The following BNC2 variants were observed in gnomAD, a reference collection of about 807,000 sequenced individuals.
BNC2 encodes basonuclin zinc finger protein 2.
Under a neutral mutation model 76.3 loss-of-function variants are expected in BNC2, and 20 were observed. That is an observed-to-expected ratio of 0.26 (90% confidence interval 0.18 to 0.38). The LOEUF is 0.38. BNC2 is among the 10% of genes least tolerant of loss of function. BNC2 has a pLI of 1.00. For synonymous variants in BNC2, 582 were observed against 514.8 expected, an observed-to-expected ratio of 1.13 and a Z score of -1.77; for missense variants, 1,382 against 1,399.8, an observed-to-expected ratio of 0.99 and a Z score of 0.20.
At chr9:16,429,991 TC>T (rs761451004) in intron 6 of BNC2, 2 of 513,898 alleles carry the variant, frequency 3.9e-6, no homozygotes, top group East Asian at 1.1e-4. Context: ...ATTGCTCTTC[TC>T]CCAGTATCTA....
At chr9:16,743,588 T>C (rs1230565107) in intron 1 of BNC2, among the ~76,000 whole-genome samples, 2 of 152,192 alleles carry the variant, frequency 1.3e-5, no homozygotes, top group African/African-American at 4.8e-5. Context: ...CAGCTGTGTG[T>C]GCTCCAGCCC....
intron 1 of BNC2, among the ~76,000 whole-genome samples, chr9:16,792,905 G>C (rs1314571304): frequency 6.6e-6 from 1 of 152,160 alleles, no homozygotes; most frequent in African/African-American, 2.4e-5. Context: ...AAAGCAAAGG[G>C]ATTAGTTAAC....
chr9:16,642,621 G>C (rs1821520111), intron 3 of BNC2, among the ~76,000 whole-genome samples: 1 of 152,142 alleles, frequency 6.6e-6, no homozygotes, highest in Non-Finnish European at 1.5e-5. Context: ...CGTCCATTTG[G>C]CAGTAGGAAG....
intron 3 of BNC2, among the ~76,000 whole-genome samples, chr9:16,638,000 A>T (rs1175638901): frequency 1.3e-5 from 2 of 152,230 alleles, no homozygotes; most frequent in African/African-American, 4.8e-5. Flanking sequence ...AATCACTGGG[A>T]CATCATAGGC....
At chr9:16,735,242 T>C (rs1824630447) in intron 2 of BNC2, among the ~76,000 whole-genome samples, 1 of 152,210 alleles carries the variant, frequency 6.6e-6, no homozygotes. Flanking sequence ...ACATTTTACC[T>C]ACCTTGTTTT....
At chr9:16,571,471 C>T (rs1264987287) in intron 4 of BNC2, among the ~76,000 whole-genome samples, 1 of 152,058 alleles carries the variant, frequency 6.6e-6, no homozygotes, top group Non-Finnish European at 1.5e-5. Flanking sequence ...GATAGCTACT[C>T]GGTTTATGTA....
At chr9:16,673,831 G>A (rs118036419) in intron 3 of BNC2, among the ~76,000 whole-genome samples, 2,493 of 152,024 alleles carry the variant, frequency 0.016, 27 homozygotes, top group Non-Finnish European at 0.029. Flanking sequence ...ACTCTGAGAC[G>A]GGTTCATGTT....
intron 3 of BNC2, among the ~76,000 whole-genome samples, chr9:16,638,390 G>A (rs1398712425): frequency 6.6e-6 from 1 of 152,020 alleles, no homozygotes; most frequent in Non-Finnish European, 1.5e-5. Context: ...CTGATTACTG[G>A]ATAAAACAGA....
intron 3 of BNC2, among the ~76,000 whole-genome samples, chr9:16,603,501 C>G (rs985145077): frequency 1.3e-5 from 2 of 152,130 alleles, no homozygotes; most frequent in African/African-American, 4.8e-5. Context: ...TGTCTGTGTG[C>G]AAAATTGCTC....
intron 5 of BNC2, among the ~76,000 whole-genome samples, chr9:16,471,436 G>A (rs572857060): frequency 6.6e-6 from 1 of 152,012 alleles, no homozygotes; most frequent in African/African-American, 2.4e-5. Flanking sequence ...TGGGACTACA[G>A]GCATGCACCA....
At chr9:16,622,779 C>CT (rs1205831154) in intron 3 of BNC2, among the ~76,000 whole-genome samples, 1 of 152,110 alleles carries the variant, frequency 6.6e-6, no homozygotes, top group Non-Finnish European at 1.5e-5. Flanking sequence ...ACAACTGGCG[C>CT]TAACTGGCAG....
chr9:16,795,908 G>C (rs1294623735), intron 1 of BNC2, among the ~76,000 whole-genome samples: 1 of 152,172 alleles, frequency 6.6e-6, no homozygotes, highest in South Asian at 2.1e-4. Context: ...GAGAAAAAGA[G>C]CTAACATTTA....
intron 5 of BNC2, 24 bp from the exon 6 acceptor site, chr9:16,437,548 A>G (rs780697439): frequency 6.2e-7 from 1 of 1,606,464 alleles, no homozygotes; most frequent in Non-Finnish European, 8.5e-7. Flanking sequence ...CAAAGAAACA[A>G]CAAAGACAAA....
At chr9:16,681,126 G>A (rs1466718711) in intron 3 of BNC2, among the ~76,000 whole-genome samples, 1 of 152,176 alleles carries the variant, frequency 6.6e-6, no homozygotes, top group African/African-American at 2.4e-5. Context: ...AAGGGAAGCT[G>A]AGATGGTGGC....
At chr9:16,690,967 A>G (rs891844146) in intron 3 of BNC2, among the ~76,000 whole-genome samples, 2 of 152,146 alleles carry the variant, frequency 1.3e-5, no homozygotes, top group African/African-American at 4.8e-5. Flanking sequence ...GTGAGCTGCC[A>G]AAGAACAGTG....
At chr9:16,613,215 T>C (rs10756764) in intron 3 of BNC2, among the ~76,000 whole-genome samples, 131,973 of 152,174 alleles carry the variant, frequency 0.87, 58,316 homozygotes, top group East Asian at 0.98. Context: ...TTAGAGCCTG[T>C]ATGCCTATTG....
chr9:16,548,046 G>C (rs932119923), intron 5 of BNC2, among the ~76,000 whole-genome samples: 1 of 152,134 alleles, frequency 6.6e-6, no homozygotes, highest in African/African-American at 2.4e-5. Context: ...GTTGAGAGGG[G>C]CATCAATACC....
chr9:16,778,768 C>T (rs149152345), intron 1 of BNC2, among the ~76,000 whole-genome samples: 1 of 152,078 alleles, frequency 6.6e-6, no homozygotes, highest in African/African-American at 2.4e-5. Flanking sequence ...ATCTCAGATG[C>T]CCAAACAACT....
chr9:16,728,162 A>G lies in BNC2; in HGVS notation c.130-165T>C, dbSNP rs114884813. On this transcript the variant is annotated intron_variant, in intron 2 of 6. Transcript: ENST00000380672. ...CACCTTCTGCACAGATATCCCTATC[A>G]TTTATGCATAGATTGTGACTCCCCA... The G allele has an allele frequency of 4.2e-4, 306 of 728,020 alleles. No individual in the cohort carries two copies. In the African/African-American group the frequency reaches 4.8e-3, roughly 12 times the overall value. 45.1% of individuals were successfully genotyped at this position (728,020 alleles called of 1,614,324 possible). A position where few individuals can be genotyped will look rare whatever the true frequency, so the allele number is the denominator to read the frequency against.
Sources: gnomAD v4.1 joint callset for allele counts (sites outside exome capture counted in the v4.1 genomes callset) on GRCh38, gnomAD v4.1.1 for gene constraint, MANE v1.5 for transcripts, NCBI Gene and HGNC (gene_info 2026-07-23, HGNC 2026-07-21) for gene names.